CYB5R4: variants seen among roughly 807,000 people sequenced by gnomAD.
CYB5R4 encodes cytochrome b5 reductase 4.
In CYB5R4, 55 loss-of-function variants were observed where a neutral mutation model predicts 70.2. That is an observed-to-expected ratio of 0.78 (90% CI 0.63 to 0.98). The LOEUF is 0.98. CYB5R4 is among the 50% of genes least tolerant of loss of function. The probability of loss-of-function intolerance (pLI) is 0.00; values close to 1 mark genes in which losing one functional copy is unlikely to be tolerated. For missense variants in CYB5R4, 562 were observed against 612.6 expected, an observed-to-expected ratio of 0.92 and a Z score of 0.87; for synonymous variants, 197 against 199.5, an observed-to-expected ratio of 0.99 and a Z score of 0.11.
intron 3 of CYB5R4, among the ~76,000 whole-genome samples, chr6:83,894,700 C>A (rs2099461596): frequency 6.6e-6 from 1 of 152,040 alleles, no homozygotes; most frequent in Admixed American, 6.6e-5. Context: ...ATGTTATATG[C>A]ATTATATACT....
intron 2 of CYB5R4, among the ~76,000 whole-genome samples, chr6:83,886,293 C>T (rs1456015098): frequency 6.6e-6 from 1 of 152,156 alleles, no homozygotes; most frequent in African/African-American, 2.4e-5. Context: ...CTTAAAGGCC[C>T]TACCATTCAG....
chr6:83,890,737 G>A (rs1010926684), intron 2 of CYB5R4, among the ~76,000 whole-genome samples: 11 of 152,006 alleles, frequency 7.2e-5, no homozygotes, highest in Non-Finnish European at 1.6e-4. Context: ...AATTGTCACC[G>A]CCACCTCAGC....
Position 83,859,780 on chromosome 6 carries a change from A to C in CYB5R4, c.-3A>C, listed in dbSNP as rs775121281. The stretch of plus-strand genomic sequence containing the variant: ...GGGCAGGGCCCGGGGCCGGGGTTTG[A>C]AGATGCTGAACGTCCCTTCCCAGTC... On this transcript the variant is annotated 5_prime_UTR_variant, in exon 1 of 16. Transcript: ENST00000369681. 3 of 1,612,950 alleles carry C rather than the reference A, an allele frequency of 1.9e-6. No homozygotes were observed. The African/African-American group carries it at 4.0e-5, about 22-fold the overall frequency.
At position 83,963,947 on chromosome 6, in the gene CYB5R4, C is replaced by T. The variant is rs996423108; in HGVS notation, c.*4069C>T. 12 of 200,246 alleles carry T rather than the reference C, an allele frequency of 6.0e-5. No individual in the cohort carries two copies. Among genetic ancestry groups the T allele is most frequent in the African/African-American group, 7.1e-5 (3 of 42,216 alleles). 12.4% of individuals were successfully genotyped at this position (200,246 alleles called of 1,614,324 possible). ...ACCTGGTGGTTTTATCAGGGGTTTC[C>T]GCTTTTGCATCTTACTCATTTTCTC... On this transcript the variant is annotated 3_prime_UTR_variant, in exon 16 of 16. Coordinates refer to ENST00000369681, the MANE Select transcript of CYB5R4 (RefSeq NM_016230.4).
In CYB5R4 at chr6:83,909,025, A is replaced by G. The variant is rs1457453252; in HGVS notation, c.347A>G (p.Asn116Ser). The G allele has an allele frequency of 5.6e-6, 9 of 1,613,668 alleles. No individual in the cohort carries two copies. The highest frequency in any genetic ancestry group is 7.6e-6 in the Non-Finnish European group (9 of 1,179,780). ...ELFDQVHRWV[N>S]YESMLKECLV... is the part of the protein sequence containing the mutation. ...ACATACCAGGTTCATCGTTGGGTCAATTATGAATCCATGCTGAAAGAATGC... is the reference window on the plus strand; with the variant it reads ...ACATACCAGGTTCATCGTTGGGTCAGTTATGAATCCATGCTGAAAGAATGC... The change falls in exon 4 of 16, where the codon AAT (asparagine) becomes AGT (serine). Residue 116 changes from asparagine to serine, a missense_variant. By Grantham distance (46) the Asn-to-Ser change is conservative. Transcript: ENST00000369681.
chr6:83,920,161 C>T (rs927178210), intron 7 of CYB5R4, among the ~76,000 whole-genome samples: 1 of 152,174 alleles, frequency 6.6e-6, no homozygotes, highest in Non-Finnish European at 1.5e-5. Flanking sequence ...TCTCCAAGCA[C>T]ATCCTCCAGC....
At chr6:83,900,820 G>T (rs6454345) in intron 3 of CYB5R4, among the ~76,000 whole-genome samples, 1 of 151,870 alleles carries the variant, frequency 6.6e-6, no homozygotes, top group East Asian at 1.9e-4. Flanking sequence ...CATTTGCTTG[G>T]TAGATCTTCC....
At chr6:83,875,308 A>C (rs1298108368) in intron 2 of CYB5R4, among the ~76,000 whole-genome samples, 1 of 152,030 alleles carries the variant, frequency 6.6e-6, no homozygotes, top group Non-Finnish European at 1.5e-5. Context: ...ACTGAGTCTC[A>C]CTATGCTGCC....
intron 9 of CYB5R4, among the ~76,000 whole-genome samples, chr6:83,922,911 C>T (rs1176485005): frequency 6.6e-6 from 1 of 152,034 alleles, no homozygotes; most frequent in Non-Finnish European, 1.5e-5. Context: ...GTCTCAGCCT[C>T]CTGAGTAGTT....
chr6:83,926,127 A>T (rs760650185), intron 10 of CYB5R4: 2 of 152,112 alleles, frequency 1.3e-5, no homozygotes, highest in Non-Finnish European at 2.9e-5. Flanking sequence ...CTATCTGCTC[A>T]TATTTCAGGG....
At position 83,929,832 on chromosome 6, in the gene CYB5R4, C is replaced by T. The variant is rs540050510; in HGVS notation, c.815-4763C>T. The stretch of plus-strand genomic sequence containing the variant: ...ATTTTAAAGATATGCCAACAAATAA[C>T]CCAGTCAATTAGTCTTAGGAAACAA... On this transcript the variant is annotated intron_variant, in intron 10 of 15. Coordinates refer to ENST00000369681, the MANE Select transcript of CYB5R4 (RefSeq NM_016230.4). Among the ~76,000 whole-genome samples, 468 of 152,018 alleles carry T rather than the reference C, an allele frequency of 3.1e-3. 2 individuals carry two copies. Among genetic ancestry groups the T allele is most frequent in the South Asian group, 0.011 (52 of 4,812 alleles).
rs2099473433 is a variant in CYB5R4 at position 83,962,079 on chromosome 6, C to T, written c.*2201C>T. On this transcript the variant is annotated 3_prime_UTR_variant, in exon 16 of 16. Transcript: ENST00000369681. Reference sequence around the variant, plus strand: ...TCAGCTGAGCTTCAGTTTTCAATATCCATTTACTTCCTGCATACCACCCCA... The same window carrying T: ...TCAGCTGAGCTTCAGTTTTCAATATTCATTTACTTCCTGCATACCACCCCA... 6.6e-6 allele frequency: 1 copy of T among 152,112 alleles called. No individual in the cohort carries two copies. The highest frequency in any genetic ancestry group is 6.6e-5 in the Admixed American group (1 of 15,258). 9.4% of individuals were successfully genotyped at this position (152,112 alleles called of 1,614,324 possible).
rs1024426977 is a variant in CYB5R4, at chr6:83,967,336, T to C, written c.*7458T>C. The C allele has an allele frequency of 7.9e-5, 12 of 152,324 alleles. No individual in the cohort carries two copies. The highest frequency in any genetic ancestry group is 1.4e-4 in the African/African-American group (6 of 41,576). 9.4% of individuals were successfully genotyped at this position (152,324 alleles called of 1,614,324 possible). On this transcript the variant is annotated 3_prime_UTR_variant, in exon 16 of 16. Transcript: ENST00000369681. ...AAGAGTATAGGTATATGCTAAACTA[T>C]TTCAGTAGTTTTGGCAGTGGTTGTA...
At chr6:83,930,022 C>T (rs1237524384) in intron 10 of CYB5R4, among the ~76,000 whole-genome samples, 1 of 152,136 alleles carries the variant, frequency 6.6e-6, no homozygotes, top group East Asian at 1.9e-4. Flanking sequence ...ATTATATTTA[C>T]ATTATACTTT....
intron 6 of CYB5R4, among the ~76,000 whole-genome samples, chr6:83,918,811 G>A (rs1458301402): frequency 6.6e-6 from 1 of 151,924 alleles, no homozygotes; most frequent in African/African-American, 2.4e-5. Flanking sequence ...TCAGCATCCT[G>A]CTATATTTGT....
chr6:83,947,619 T>C (rs1334191108), intron 14 of CYB5R4, among the ~76,000 whole-genome samples: 1 of 152,106 alleles, frequency 6.6e-6, no homozygotes, highest in African/African-American at 2.4e-5. Flanking sequence ...ACCTACAGAA[T>C]GGGAGAAAAT....
At chr6:83,939,106 G>T (rs1562844074) in intron 12 of CYB5R4, among the ~76,000 whole-genome samples, 1 of 152,052 alleles carries the variant, frequency 6.6e-6, no homozygotes, top group Non-Finnish European at 1.5e-5. Context: ...GAAGTGCTGG[G>T]ATTACAGGTG....
At chr6:83,942,442 G>A (rs1344931910) in intron 14 of CYB5R4, among the ~76,000 whole-genome samples, 3 of 152,204 alleles carry the variant, frequency 2.0e-5, no homozygotes, top group Non-Finnish European at 4.4e-5. Flanking sequence ...CAGATACTAC[G>A]CTTTTTCCAC....
At chr6:83,862,349 A>G (rs185263945) in intron 1 of CYB5R4, among the ~76,000 whole-genome samples, 8 of 152,294 alleles carry the variant, frequency 5.3e-5, no homozygotes, top group Non-Finnish European at 8.8e-5. Context: ...TCTGATTTCA[A>G]GGTGTTTAGT....
Sources: gnomAD v4.1 joint callset for allele counts (sites outside exome capture counted in the v4.1 genomes callset) on GRCh38, gnomAD v4.1.1 for gene constraint, MANE v1.5 for transcripts, NCBI Gene and HGNC (gene_info 2026-07-23, HGNC 2026-07-21) for gene names.